RGS7: variants seen among roughly 807,000 people sequenced by gnomAD.
RGS7 encodes the protein regulator of G protein signaling 7, also known as regulator of G-protein signaling 7.
A neutral mutation model predicts 81.1 loss-of-function variants in RGS7; 27 were observed. The observed-to-expected ratio is 0.33, with a 90% CI of 0.25 to 0.46. The LOEUF is 0.46. Ranked by LOEUF, RGS7 falls within the 20% of genes least tolerant of loss-of-function variation. The pLI is 1.00. For missense variants in RGS7, 396 were observed against 607.4 expected (o/e 0.65, Z 3.66); for synonymous variants, 208 against 207.7 (o/e 1.00, Z -0.01).
chr1:241,202,135 T>A (rs2073567823), intron 2 of RGS7, among the ~76,000 whole-genome samples: 1 of 151,984 alleles, frequency 6.6e-6, no homozygotes, highest in Non-Finnish European at 1.5e-5. Context: ...GGTTCTTACA[T>A]TAATACCTAC....
At chr1:241,033,306 G>A (rs909655232) in intron 3 of RGS7, among the ~76,000 whole-genome samples, 1 of 152,004 alleles carries the variant, frequency 6.6e-6, no homozygotes, top group African/African-American at 2.4e-5. Flanking sequence ...AGCCAAGATT[G>A]CCCCACTGCA....
rs115062303 is a variant in RGS7 at position 241,120,795 on chromosome 1, G to A, written c.79-22033C>T. On this transcript the variant is annotated intron_variant, in intron 2 of 18. Transcript: ENST00000440928. ...AGGGAAACTAGCTGACAAGTAAAGG[G>A]TCACTCCTGATAGCACAGCAGCAGG... Among the ~76,000 whole-genome samples, 862 of 152,170 alleles carry A rather than the reference G, an allele frequency of 5.7e-3. 10 individuals carry two copies. The highest frequency in any genetic ancestry group is 0.02 in the African/African-American group (832 of 41,516).
chr1:241,048,542 G>C (rs937004003), intron 3 of RGS7, among the ~76,000 whole-genome samples: 1 of 152,066 alleles, frequency 6.6e-6, no homozygotes, highest in African/African-American at 2.4e-5. Flanking sequence ...CTATATGGCG[G>C]CTCATTTTTC....
intron 3 of RGS7, among the ~76,000 whole-genome samples, chr1:240,987,165 T>C (rs1685790185): frequency 6.6e-6 from 1 of 152,066 alleles, no homozygotes; most frequent in Non-Finnish European, 1.5e-5. Flanking sequence ...TAAGCATTCA[T>C]GAAAAAAATT....
intron 2 of RGS7, among the ~76,000 whole-genome samples, chr1:241,244,510 A>C (rs1291134350): frequency 6.6e-6 from 1 of 152,200 alleles, no homozygotes; most frequent in East Asian, 1.9e-4. Context: ...TATTGGTGGG[A>C]CTGTAAACTA....
chr1:241,151,957 C>A (rs1419103710), intron 2 of RGS7, among the ~76,000 whole-genome samples: 1 of 152,114 alleles, frequency 6.6e-6, no homozygotes, highest in Non-Finnish European at 1.5e-5. Flanking sequence ...ATGGACTGAG[C>A]CACCTTGGCA....
intron 11 of RGS7, 96 bp from the exon 12 acceptor site, chr1:240,814,873 T>G: frequency 1.2e-6 from 1 of 815,444 alleles, no homozygotes; most frequent in Non-Finnish European, 2.2e-6. Context: ...TGAACAAGAG[T>G]ATAGTCTACG....
intron 2 of RGS7, among the ~76,000 whole-genome samples, chr1:241,250,111 G>A (rs185084647): frequency 1.1e-4 from 17 of 152,168 alleles, no homozygotes; most frequent in East Asian, 7.7e-4. Context: ...TACAGGATGG[G>A]GAAAGCAATA....
intron 9 of RGS7, among the ~76,000 whole-genome samples, chr1:240,844,232 G>A (rs1340227351): frequency 6.6e-6 from 1 of 152,020 alleles, no homozygotes; most frequent in Non-Finnish European, 1.5e-5. Context: ...TAGTAGGAAT[G>A]GCCCAAGAGG....
chr1:240,815,616 G>A (rs1690675401), intron 11 of RGS7, among the ~76,000 whole-genome samples: 1 of 151,956 alleles, frequency 6.6e-6, no homozygotes, highest in South Asian at 2.1e-4. Context: ...CCTGATTATT[G>A]TAAATATACT....
chr1:241,150,251 G>T (rs995174958), intron 2 of RGS7, among the ~76,000 whole-genome samples: 2 of 152,134 alleles, frequency 1.3e-5, no homozygotes, highest in Admixed American at 6.5e-5. Context: ...ATCACATTTG[G>T]TGCGGTATTT....
chr1:240,883,937 G>A lies in RGS7; in HGVS notation c.386-13818C>T, dbSNP rs144786283. ...CTAAAAATACAAAAATTAGCCAGGC[G>A]TGGTGGCACACGTCTATAATCCCAG... On this transcript the variant is annotated intron_variant, in intron 6 of 18. Coordinates refer to ENST00000440928, the MANE Select transcript of RGS7 (RefSeq NM_001364886.1). 3.8e-3 allele frequency among the ~76,000 whole-genome samples: 571 copies of A among 152,050 alleles called. 5 individuals carry two copies. The highest frequency in any genetic ancestry group is 0.013 in the African/African-American group (532 of 41,464).
chr1:241,134,898 G>A (rs943232793), intron 2 of RGS7, among the ~76,000 whole-genome samples: 6 of 151,508 alleles, frequency 4.0e-5, no homozygotes, highest in Non-Finnish European at 8.8e-5. Context: ...GCAAGACAGC[G>A]GAAGCAGGAC....
intron 3 of RGS7, among the ~76,000 whole-genome samples, chr1:241,087,202 A>C (rs746905603): frequency 6.6e-6 from 1 of 152,194 alleles, no homozygotes; most frequent in Non-Finnish European, 1.5e-5. Context: ...GAGGTACAGC[A>C]GACTTCAGAT....
At chr1:240,780,439 CAAAAAA>C (rs34568911) in intron 18 of RGS7, among the ~76,000 whole-genome samples, 1,292 of 40,136 alleles carry the variant, frequency 0.032, 16 homozygotes, top group African/African-American at 0.084. Flanking sequence ...GACTCTGTCT[CAAAAAA>C]AAAAAAAAAA....
intron 6 of RGS7, among the ~76,000 whole-genome samples, chr1:240,897,682 G>T (rs1480229860): frequency 3.9e-5 from 6 of 152,124 alleles, no homozygotes; most frequent in Admixed American, 3.3e-4. Flanking sequence ...GATTCGGTTT[G>T]CCCGTATTTT....
At chr1:240,850,345 C>T (rs1036251479) in intron 9 of RGS7, among the ~76,000 whole-genome samples, 5 of 152,112 alleles carry the variant, frequency 3.3e-5, no homozygotes, top group Admixed American at 1.3e-4. Context: ...TCATTATTAT[C>T]GTATCTGCCA....
chr1:241,017,318 GT>G (rs1299215809), intron 3 of RGS7, among the ~76,000 whole-genome samples: 8 of 151,942 alleles, frequency 5.3e-5, no homozygotes, highest in African/African-American at 1.9e-4. Flanking sequence ...GCGCACGCCT[GT>G]AATTCCAGCT....
At chr1:240,961,681 C>T (rs767442955) in intron 4 of RGS7, among the ~76,000 whole-genome samples, 2 of 152,122 alleles carry the variant, frequency 1.3e-5, no homozygotes, top group Non-Finnish European at 2.9e-5. Flanking sequence ...GCTTAAATGG[C>T]ATTTGGCATT....
Sources: allele counts gnomAD v4.1 joint callset (sites outside exome capture counted in the v4.1 genomes callset), GRCh38; gene constraint gnomAD v4.1.1; transcripts MANE v1.5; gene names NCBI Gene and HGNC (gene_info 2026-07-23, HGNC 2026-07-21).